AUNIP: variants seen among roughly 807,000 people sequenced by gnomAD.
The protein encoded by AUNIP is aurora kinase A and ninein interacting protein.
A neutral mutation model predicts 12.2 loss-of-function variants in AUNIP; 16 were observed. The ratio of observed to expected loss-of-function variants is 1.31; its 90% CI spans 0.88 to 1.99. AUNIP has a LOEUF of 1.99. Among genes scored for constraint, AUNIP ranks in the 30% most tolerant of loss-of-function variants. The pLI, the probability that AUNIP is intolerant of heterozygous loss-of-function variation, is 0.00. For missense variants in AUNIP, 411 were observed against 419.1 expected (o/e 0.98, Z 0.17); for synonymous variants, 142 against 154.8 (o/e 0.92, Z 0.61).
At chr1:25,832,274 T>C, downstream of AUNIP, 1 of 1,157,562 alleles carries the variant, frequency 8.6e-7, no homozygotes, top group Non-Finnish European at 1.2e-6. Context: ...TGAAGTATCT[T>C]AGTTTAAAGG....
Position 25,835,855 on chromosome 1 carries a change from A to G in AUNIP, c.221-9T>C. The G allele has an allele frequency of 6.2e-7, 1 of 1,610,122 alleles. No homozygotes were observed. The highest frequency in any genetic ancestry group is 8.5e-7 in the Non-Finnish European group (1 of 1,177,194). On this transcript the variant is annotated splice_polypyrimidine_tract_variant and intron_variant, in intron 2 of 2. Transcript: ENST00000374298. ...ACTGCCATTTGTCTTTCCTAATAAA[A>G]CAGGAATGAACAAATATTATTCTGC...
Position 25,834,941 on chromosome 1 carries a change from T to G in AUNIP, c.*52A>C, listed in dbSNP as rs1489171546. On this transcript the variant is annotated 3_prime_UTR_variant, in exon 3 of 3. Transcript: ENST00000374298. ...TCCTCTCTCCACCCACAACTATATT[T>G]TCCTACATCTCTATCATTTCAAGGT... is the stretch of plus-strand genomic sequence containing the variant. 6.4e-7 allele frequency: 1 copy of G among 1,553,324 alleles called. No individual in the cohort carries two copies. The highest frequency in any genetic ancestry group is 1.4e-5 in the African/African-American group (1 of 72,642).
rs529144294 is a variant in AUNIP at position 25,834,135 on chromosome 1, A to G, written c.*858T>C. 333 of 985,142 alleles carry G rather than the reference A, an allele frequency of 3.4e-4. 2 individuals carry two copies. The South Asian group carries it at 7.9e-3, about 23-fold the overall frequency. 61.0% of individuals were successfully genotyped at this position (985,142 alleles called of 1,614,324 possible). ...GGCTTTTTAAGGGAGATATTTAAAC[A>G]TAGAGTATATAACTTTAAAGTGCTG... is the stretch of plus-strand genomic sequence containing the variant. On this transcript the variant is annotated 3_prime_UTR_variant, in exon 3 of 3. Transcript: ENST00000374298.
Position 25,847,061 on chromosome 1 carries a change from A to C in AUNIP, c.79-9507T>G, listed in dbSNP as rs17163320. ...GTATATGGATACAATCAGCAGCTAT[A>C]TACCTATTCTCCCAATTTCCAAATA... On this transcript the variant is annotated intron_variant, in intron 1 of 2. Coordinates refer to ENST00000374298, the MANE Select transcript of AUNIP (RefSeq NM_024037.3). The surrounding 1 kb of genome is among the most constrained non-coding windows in gnomAD (Gnocchi z 4.2). Among the ~76,000 whole-genome samples, 2,215 of 152,326 alleles carry C rather than the reference A, an allele frequency of 0.015. 51 individuals are homozygous for C. Among genetic ancestry groups the C allele is most frequent in the African/African-American group, 0.051 (2,122 of 41,570 alleles).
Position 25,834,174 on chromosome 1 carries a change from A to G in AUNIP, c.*819T>C. 1.0e-6 allele frequency: 1 copy of G among 985,416 alleles called. No homozygotes were observed. The highest frequency in any genetic ancestry group is 1.2e-6 in the Non-Finnish European group (1 of 829,916). 61.0% of individuals were successfully genotyped at this position (985,416 alleles called of 1,614,324 possible). ...TTTAAAGTGCTGTACAGTTACCACA[A>G]AAATAAAATAGGAAACTAGCACCAT... On this transcript the variant is annotated 3_prime_UTR_variant, in exon 3 of 3. Transcript: ENST00000374298.
intron 2 of AUNIP, among the ~76,000 whole-genome samples, 181 bp downstream of exon 2, chr1:25,837,232 A>G (rs2048309602): frequency 6.6e-6 from 1 of 152,258 alleles, no homozygotes; most frequent in South Asian, 2.1e-4. Context: ...GTATGTTTGT[A>G]AAAGTACACA....
chr1:25,833,995 A>G (rs970435151), downstream of AUNIP: 1 of 975,344 alleles, frequency 1.0e-6, no homozygotes, highest in African/African-American at 1.8e-5. Flanking sequence ...ATTACCAATT[A>G]TCACAAGAGC....
chr1:25,858,206 A>C (rs1165509325), intron 1 of AUNIP, among the ~76,000 whole-genome samples: 4 of 152,232 alleles, frequency 2.6e-5, no homozygotes, highest in South Asian at 2.1e-4. Context: ...AAAATGATCA[A>C]ATTTCTTATC....
chr1:25,857,873 A>T (rs2048475234), intron 1 of AUNIP, among the ~76,000 whole-genome samples: 1 of 151,808 alleles, frequency 6.6e-6, no homozygotes, highest in Non-Finnish European at 1.5e-5. Context: ...CAAAAATAAC[A>T]ATAATAATAA....
chr1:25,844,296 G>A (rs2565027), intron 1 of AUNIP, among the ~76,000 whole-genome samples: 28,714 of 152,016 alleles, frequency 0.19, 2,917 homozygotes, highest in Non-Finnish European at 0.22. Flanking sequence ...TAGTAGAGAC[G>A]AGGTTTCACC....
At chr1:25,846,327 G>A (rs2048382806) in intron 1 of AUNIP, among the ~76,000 whole-genome samples, 1 of 147,588 alleles carries the variant, frequency 6.8e-6, no homozygotes, top group East Asian at 2.0e-4. Context: ...GCTGAGGCAG[G>A]AGAATCACTT....
At chr1:25,854,947 TTC>T (rs1385798605) in intron 1 of AUNIP, among the ~76,000 whole-genome samples, 2 of 148,914 alleles carry the variant, frequency 1.3e-5, no homozygotes, top group African/African-American at 2.6e-5. Context: ...AGATTCAGAA[TTC>T]TTTCTTTTTT....
chr1:25,835,484 C>T lies in AUNIP; in HGVS notation c.583G>A (p.Ala195Thr), dbSNP rs1053201031. 6.2e-7 allele frequency: 1 copy of T among 1,614,136 alleles called. No homozygotes were observed. The highest frequency in any genetic ancestry group is 8.5e-7 in the Non-Finnish European group (1 of 1,180,054). ...TCATGAAGCCATTCCCATTTCCTGG[C>T]AGAATCCCCTTTTTCTTCCTTTCGG... ...LDRKEEKGDS[A>T]RKWEWLHESK... The change falls in exon 3 of 3, where the codon GCC (alanine) becomes ACC (threonine). Residue 195 changes from alanine to threonine, a missense_variant. Transcript: ENST00000374298.
At chr1:25,832,734 G>C (rs58504236), downstream of AUNIP, 3 of 156,954 alleles carry the variant, frequency 1.9e-5, no homozygotes, top group Admixed American at 1.2e-4. Context: ...CTTTAAGCCC[G>C]GTAGGAAAGA....
At chr1:25,842,603 C>T (rs867233677) in intron 1 of AUNIP, among the ~76,000 whole-genome samples, 2 of 152,354 alleles carry the variant, frequency 1.3e-5, no homozygotes, top group South Asian at 2.1e-4. Context: ...GATGCCATCT[C>T]GGACTTCCGT....
rs2048295184 is a variant in AUNIP at position 25,835,586 on chromosome 1, G to A, written c.481C>T (p.Pro161Ser). 4 of 1,614,240 alleles carry A rather than the reference G, an allele frequency of 2.5e-6. No homozygotes were observed. Among genetic ancestry groups the A allele is most frequent in the Non-Finnish European group, 3.4e-6 (4 of 1,180,040 alleles). ...GTATGACTATCTCCAGCACAGTCTG[G>A]AGTATCAGGCTGGAGCAAAGATAGC... The part of the protein sequence containing the change: ...TELSLLQPDT[P>S]DCAGDSHTPL... The change falls in exon 3 of 3, where the codon CCA (proline) becomes TCA (serine). Residue 161 changes from proline to serine, a missense_variant. Coordinates refer to ENST00000374298, the MANE Select transcript of AUNIP (RefSeq NM_024037.3).
intron 1 of AUNIP, among the ~76,000 whole-genome samples, chr1:25,857,839 A>T (rs926585277): frequency 6.7e-6 from 1 of 150,114 alleles, no homozygotes; most frequent in African/African-American, 2.5e-5. Context: ...CTCCAGCACG[A>T]GCAACAAGAG....
chr1:25,837,027 G>T (rs1379678072), intron 2 of AUNIP, among the ~76,000 whole-genome samples: 2 of 152,158 alleles, frequency 1.3e-5, no homozygotes, highest in African/African-American at 2.4e-5. Context: ...AATTTGAGAA[G>T]CGTCACACAA....
At chr1:25,848,008 G>GC (rs2048396467) in intron 1 of AUNIP, among the ~76,000 whole-genome samples, 1 of 152,048 alleles carries the variant, frequency 6.6e-6, no homozygotes, top group African/African-American at 2.4e-5. Flanking sequence ...CCTGGACTAA[G>GC]CCCTTGTTAT....
Sources: gnomAD v4.1 joint callset for allele counts (sites outside exome capture counted in the v4.1 genomes callset) on GRCh38, gnomAD v4.1.1 for gene constraint, Gnocchi (gnomAD v3.1) non-coding constraint, MANE v1.5 for transcripts, NCBI Gene and HGNC (gene_info 2026-07-23, HGNC 2026-07-21) for gene names.